AP3S2: variants seen among roughly 807,000 people sequenced by gnomAD.
AP3S2 encodes the protein adaptor related protein complex 3 subunit sigma 2, also known as AP-3 complex subunit sigma-2.
Under a neutral mutation model 23.4 loss-of-function variants are expected in AP3S2, and 22 were observed. The observed-to-expected ratio is 0.94, with a 90% CI of 0.67 to 1.34. AP3S2 has a LOEUF of 1.34. Among genes scored for constraint, AP3S2 ranks in the 40% most tolerant of loss-of-function variants. The pLI is 0.00. For missense variants in AP3S2, 241 were observed against 236.9 expected (o/e 1.02, Z -0.11); for synonymous variants, 86 against 87.1 (o/e 0.99, Z 0.07).
At chr15:89,867,828 C>T (rs1357068130) in intron 4 of AP3S2, among the ~76,000 whole-genome samples, 1 of 126,612 alleles carries the variant, frequency 7.9e-6, no homozygotes, top group Non-Finnish European at 1.7e-5. Context: ...GCTGCCCCGT[C>T]TGAGAAGTGA....
chr15:89,877,246 A>G (rs1896463525), intron 3 of AP3S2: 1 of 1,096,068 alleles, frequency 9.1e-7, no homozygotes, highest in African/African-American at 1.6e-5. Flanking sequence ...ATAAAGAGGA[A>G]CGGGATTGGG....
intron 3 of AP3S2, among the ~76,000 whole-genome samples, chr15:89,873,286 C>CT (rs71461825): frequency 0.24 from 31,874 of 134,516 alleles, 4,368 homozygotes; most frequent in South Asian, 0.35. Context: ...TGTCTGTCTT[C>CT]TTTTTTTTTT....
intron 4 of AP3S2, chr15:89,848,811 C>A (rs957055383): frequency 1.3e-5 from 2 of 152,088 alleles, no homozygotes; most frequent in Non-Finnish European, 2.9e-5. Flanking sequence ...TCAGCACTGA[C>A]GGGAAGAGAA....
At chr15:89,866,545 G>A (rs1164025123) in intron 4 of AP3S2, among the ~76,000 whole-genome samples, 1 of 151,440 alleles carries the variant, frequency 6.6e-6, no homozygotes, top group African/African-American at 2.4e-5. Flanking sequence ...AAGTGCAATG[G>A]CATGATCTCG....
At chr15:89,864,852 C>T (rs543782335) in intron 4 of AP3S2, among the ~76,000 whole-genome samples, 37 of 152,150 alleles carry the variant, frequency 2.4e-4, no homozygotes, top group Non-Finnish European at 3.2e-4. Flanking sequence ...CTTACAAATA[C>T]GTTTTTAAAT....
chr15:89,849,885 T>C (rs1438856828), intron 4 of AP3S2, among the ~76,000 whole-genome samples: 3 of 152,006 alleles, frequency 2.0e-5, no homozygotes, highest in Non-Finnish European at 4.4e-5. Flanking sequence ...TGCCCATGTG[T>C]TCTCATTGTT....
At chr15:89,849,888 T>G (rs549060487) in intron 4 of AP3S2, among the ~76,000 whole-genome samples, 22 of 152,184 alleles carry the variant, frequency 1.4e-4, no homozygotes, top group African/African-American at 5.3e-4. Flanking sequence ...CCATGTGTTC[T>G]CATTGTTCAA....
chr15:89,877,392 G>T, intron 3 of AP3S2: 1 of 1,291,114 alleles, frequency 7.7e-7, no homozygotes, highest in Non-Finnish European at 1.0e-6. Flanking sequence ...GTAGGGTGTT[G>T]CACTGGCTTT....
chr15:89,886,155 C>G (rs1329531320), intron 3 of AP3S2, among the ~76,000 whole-genome samples: 3 of 151,986 alleles, frequency 2.0e-5, no homozygotes, highest in African/African-American at 7.3e-5. Context: ...TCGAGACCAT[C>G]TTGGCCAACA....
At chr15:89,886,139 A>G (rs1257651317) in intron 3 of AP3S2, among the ~76,000 whole-genome samples, 1 of 152,060 alleles carries the variant, frequency 6.6e-6, no homozygotes, top group African/African-American at 2.4e-5. Flanking sequence ...TCACAAGGTC[A>G]GGATATCGAG....
chr15:89,851,510 T>C (rs543275610), intron 4 of AP3S2, among the ~76,000 whole-genome samples: 2 of 152,302 alleles, frequency 1.3e-5, no homozygotes, highest in South Asian at 2.1e-4. Flanking sequence ...GGCTAATTTT[T>C]CTATTTTTAG....
intron 3 of AP3S2, among the ~76,000 whole-genome samples, chr15:89,886,880 C>T (rs535695550): frequency 3.0e-4 from 45 of 152,158 alleles, no homozygotes; most frequent in Non-Finnish European, 5.6e-4. Flanking sequence ...CTGCAACCTC[C>T]GCCTCCTGGG....
At chr15:89,889,954 T>A (rs1896782865) in intron 1 of AP3S2, among the ~76,000 whole-genome samples, 1 of 152,050 alleles carries the variant, frequency 6.6e-6, no homozygotes, top group South Asian at 2.1e-4. Context: ...CCATCTTTTG[T>A]ACTGGTAATA....
intron 4 of AP3S2, among the ~76,000 whole-genome samples, chr15:89,847,375 C>CAAAAAAAAAAAAAAA (rs11314336): frequency 1.6e-5 from 1 of 62,596 alleles, no homozygotes; most frequent in Non-Finnish European, 2.8e-5. Flanking sequence ...GACCCTGTTA[C>CAAAAAAAAAAAAAAA]AAAAAAAAAA....
chr15:89,882,690 T>C (rs1339849568), intron 3 of AP3S2, among the ~76,000 whole-genome samples: 1 of 152,202 alleles, frequency 6.6e-6, no homozygotes, highest in Non-Finnish European at 1.5e-5. Flanking sequence ...GTTAAACTTG[T>C]ATTTAGTCAC....
chr15:89,859,366 C>T (rs542763676), intron 4 of AP3S2, among the ~76,000 whole-genome samples: 7 of 95,162 alleles, frequency 7.4e-5, no homozygotes, highest in South Asian at 3.4e-4. Context: ...CCTTCCTTTC[C>T]TTCCTTCCTT....
chr15:89,864,314 G>A (rs903335914), intron 4 of AP3S2, among the ~76,000 whole-genome samples: 3 of 152,038 alleles, frequency 2.0e-5, no homozygotes, highest in Admixed American at 2.0e-4. Flanking sequence ...TTAGAATGAT[G>A]ATGCAAAAAA....
intron 4 of AP3S2, among the ~76,000 whole-genome samples, chr15:89,840,402 G>A (rs1348888092): frequency 6.6e-6 from 1 of 152,018 alleles, no homozygotes; most frequent in Non-Finnish European, 1.5e-5. Context: ...TCTAAGGTAG[G>A]TAATATAATC....
At chr15:89,886,557 T>C (rs746531384) in intron 3 of AP3S2, 1 of 152,206 alleles carries the variant, frequency 6.6e-6, no homozygotes, top group Admixed American at 6.5e-5. Context: ...TCTGCACTGG[T>C]ACACTTTTAG....
Sources: allele counts gnomAD v4.1 joint callset (sites outside exome capture counted in the v4.1 genomes callset), GRCh38; gene constraint gnomAD v4.1.1; transcripts MANE v1.5; gene names NCBI Gene and HGNC (gene_info 2026-07-23, HGNC 2026-07-21).